Variants in ABL1 observed in about 807,000 individuals in gnomAD.
The protein encoded by ABL1 is tyrosine-protein kinase ABL1.
In ABL1, 11 loss-of-function variants were observed where a neutral mutation model predicts 94.7. The observed-to-expected ratio is 0.12, with a 90% CI of 0.07 to 0.19. The LOEUF (loss-of-function observed/expected upper bound fraction) is 0.19, where lower values mean the gene tolerates loss of function less well. Among genes scored for constraint, ABL1 ranks in the 10% least tolerant of loss-of-function variants. ABL1 has a pLI of 1.00. For missense variants in ABL1, 1,082 were observed against 1,489.4 expected, an observed-to-expected ratio of 0.73 and a Z score of 4.50; for synonymous variants, 656 against 622.4, an observed-to-expected ratio of 1.05 and a Z score of -0.80.
intron 1 of ABL1, among the ~76,000 whole-genome samples, chr9:130,782,026 C>T (rs1189656013): frequency 1.3e-5 from 2 of 151,954 alleles, no homozygotes; most frequent in Non-Finnish European, 2.9e-5. Context: ...AGTACTTTTC[C>T]TTATTGTGGA....
chr9:130,735,445 C>T (rs972165995), intron 1 of ABL1, among the ~76,000 whole-genome samples: 1 of 151,648 alleles, frequency 6.6e-6, no homozygotes, highest in Non-Finnish European at 1.5e-5. Flanking sequence ...CCTTTTCCTT[C>T]TCCTACTCCT....
intron 4 of ABL1, among the ~76,000 whole-genome samples, chr9:130,869,166 C>CA (rs11349952): frequency 2.6e-4 from 37 of 142,624 alleles, no homozygotes; most frequent in Admixed American, 6.3e-4. Flanking sequence ...GACTCCGTCT[C>CA]AAAAAAAAAA....
intron 1 of ABL1, among the ~76,000 whole-genome samples, chr9:130,762,400 T>G (rs774886949): frequency 2.2e-4 from 34 of 152,302 alleles, no homozygotes; most frequent in Admixed American, 5.2e-4. Context: ...TGTGCATGTG[T>G]GTGCACTTTT....
chr9:130,826,324 T>C lies in ABL1; in HGVS notation c.137-27740T>C, dbSNP rs185775793. On this transcript the variant is annotated intron_variant, in intron 1 of 10. Transcript: ENST00000372348. ...TTTGTAGAGATGGGGTTTCGCCATG[T>C]TGGCCAGGCTGGTCTCAAACTCTTG... 4.3e-3 allele frequency among the ~76,000 whole-genome samples: 659 copies of C among 152,136 alleles called. 2 individuals are homozygous for C. The highest frequency in any genetic ancestry group is 7.6e-3 in the Non-Finnish European group (518 of 67,982).
chr9:130,838,130 C>T (rs1830616394), intron 1 of ABL1, among the ~76,000 whole-genome samples: 1 of 152,128 alleles, frequency 6.6e-6, no homozygotes, highest in Non-Finnish European at 1.5e-5. Context: ...TGATTATTTC[C>T]ATTTTATAGA....
At chr9:130,805,284 T>A (rs1830109831) in intron 1 of ABL1, among the ~76,000 whole-genome samples, 1 of 152,212 alleles carries the variant, frequency 6.6e-6, no homozygotes, top group Admixed American at 6.5e-5. Flanking sequence ...TTCACAATAT[T>A]GGTCAGGCTG....
Position 130,880,682 on chromosome 9 carries a change from C to G in ABL1, c.1678+18C>G. Reference sequence around the variant, plus strand: ...AGAGAGCGGTAAGTCCCCCGCTTCCCCCAACCCCACTGCTCTTCCCTTCCC... The same window carrying G: ...AGAGAGCGGTAAGTCCCCCGCTTCCGCCAACCCCACTGCTCTTCCCTTCCC... On this transcript the variant is annotated intron_variant, in intron 10 of 10. Coordinates refer to ENST00000318560, the MANE Select transcript of ABL1 (RefSeq NM_005157.6). This position sits in a 1 kb window ranked among gnomAD's most constrained non-coding sequence, Gnocchi z 4.4. The G allele has an allele frequency of 6.2e-7, 1 of 1,611,380 alleles. No individual in the cohort carries two copies. The highest frequency in any genetic ancestry group is 8.5e-7 in the Non-Finnish European group (1 of 1,178,998).
At chr9:130,831,827 T>C (rs1323810921), upstream of ABL1, among the ~76,000 whole-genome samples, 1 of 152,144 alleles carries the variant, frequency 6.6e-6, no homozygotes, top group African/African-American at 2.4e-5. Flanking sequence ...CAGGCTGGTC[T>C]TTAACTCCTG....
chr9:130,799,501 A>G (rs1167706486), intron 1 of ABL1, among the ~76,000 whole-genome samples: 1 of 152,198 alleles, frequency 6.6e-6, no homozygotes, highest in Non-Finnish European at 1.5e-5. Context: ...AGGTTCTATC[A>G]TGTGTTAGCT....
In ABL1 at chr9:130,880,533, G is replaced by C. The variant is rs765425928; in HGVS notation, c.1547G>C (p.Arg516Pro). 6.2e-7 allele frequency: 1 copy of C among 1,613,934 alleles called. No homozygotes were observed. The highest frequency in any genetic ancestry group is 8.5e-7 in the Non-Finnish European group (1 of 1,179,930). ...AAGGAGCTGGGGAAACAAGGCGTCC[G>C]TGGGGCTGTGAGTACCTTGCTGCAG... ...VEKELGKQGVRGAVSTLLQAP... is the reference protein window; with the variant it reads ...VEKELGKQGVPGAVSTLLQAP... Residue 516 changes from arginine (R) to proline (P), a missense_variant, in exon 10 of 11, where the codon CGT (arginine) becomes CCT (proline). Physicochemically the swap from Arg to Pro is moderately radical, Grantham distance 103. Transcript: ENST00000318560. This position sits in a 1 kb window ranked among gnomAD's most constrained non-coding sequence, Gnocchi z 4.4.
At position 130,880,363 on chromosome 9, in the gene ABL1, C is replaced by T; in HGVS notation, c.1514-137C>T. The T allele has an allele frequency of 8.7e-7, 1 of 1,152,376 alleles. No individual in the cohort carries two copies. The highest frequency in any genetic ancestry group is 1.2e-6 in the Non-Finnish European group (1 of 809,308). 71.4% of individuals were successfully genotyped at this position (1,152,376 alleles called of 1,614,324 possible). ...CTAAGAAATGCTAAGGGCTGTTTCT[C>T]CGGTATCCACGTGCCTTTTCTTTAG... On this transcript the variant is annotated intron_variant, in intron 9 of 10. Transcript: ENST00000318560. This position sits in a 1 kb window ranked among gnomAD's most constrained non-coding sequence, Gnocchi z 4.4.
At chr9:130,797,660 C>T (rs1006873257) in intron 1 of ABL1, among the ~76,000 whole-genome samples, 2 of 152,212 alleles carry the variant, frequency 1.3e-5, no homozygotes, top group East Asian at 1.9e-4. Flanking sequence ...CAAGTCACCA[C>T]GCCTGGCTTC....
chr9:130,860,944 C>T (rs2132969361), intron 3 of ABL1, among the ~76,000 whole-genome samples: 1 of 152,272 alleles, frequency 6.6e-6, no homozygotes, highest in South Asian at 2.1e-4. Context: ...TGGACGTCAC[C>T]GTGTGGTTAT....
chr9:130,801,212 A>G (rs536645289), intron 1 of ABL1, among the ~76,000 whole-genome samples: 1 of 151,202 alleles, frequency 6.6e-6, no homozygotes, highest in South Asian at 2.1e-4. Context: ...TATAGGCCTG[A>G]GCCACAGTGC....
chr9:130,752,059 T>C (rs921324791), intron 1 of ABL1, among the ~76,000 whole-genome samples: 3 of 152,232 alleles, frequency 2.0e-5, no homozygotes, highest in African/African-American at 7.2e-5. Context: ...GGGTATAATG[T>C]AGGGATGCTT....
chr9:130,884,631 A>C lies in ABL1; in HGVS notation c.2341A>C (p.Thr781Pro). 2 of 1,613,326 alleles carry C rather than the reference A, an allele frequency of 1.2e-6. No individual in the cohort carries two copies. Among genetic ancestry groups the C allele is most frequent in the Non-Finnish European group, 1.7e-6 (2 of 1,180,002 alleles). ...TGACCAGGTGACCCGAGGCACAGTA[A>C]CGCCTCCCCCCAGGCTGGTGAAAAA... is the stretch of plus-strand genomic sequence containing the variant. The part of the protein sequence containing the change: ...RSDQVTRGTV[T>P]PPPRLVKKNE... The change falls in exon 11 of 11, where the codon ACG becomes CCG. Residue 781 changes from threonine (T) to proline (P), a missense_variant. This residue lies in a region of ABL1 where 780 missense variants were observed against 835.8 expected (regional missense o/e 0.93). Coordinates refer to ENST00000318560, the MANE Select transcript of ABL1 (RefSeq NM_005157.6). This position sits in a 1 kb window ranked among gnomAD's most constrained non-coding sequence, Gnocchi z 5.6.
chr9:130,771,814 C>T (rs1832257151), intron 1 of ABL1, among the ~76,000 whole-genome samples: 1 of 143,746 alleles, frequency 7.0e-6, no homozygotes, highest in Admixed American at 7.2e-5. Context: ...AGTGCAGTGG[C>T]AGAATCTTGG....
chr9:130,837,869 G>A (rs962089443), intron 1 of ABL1, among the ~76,000 whole-genome samples: 1 of 152,094 alleles, frequency 6.6e-6, no homozygotes, highest in Non-Finnish European at 1.5e-5. Flanking sequence ...GTTTATTGAC[G>A]CCCACTCAGG....
intron 1 of ABL1, among the ~76,000 whole-genome samples, chr9:130,841,867 A>AT (rs899530533): frequency 1.3e-5 from 2 of 150,120 alleles, no homozygotes; most frequent in African/African-American, 2.5e-5. Context: ...CACCATAAAT[A>AT]TTTTTGTTAT....
Sources: gnomAD v4.1 joint callset for allele counts (sites outside exome capture counted in the v4.1 genomes callset) on GRCh38, gnomAD v4.1.1 for gene constraint, gnomAD v4.1.1 regional missense constraint, Gnocchi (gnomAD v3.1) non-coding constraint, MANE v1.5 for transcripts, NCBI Gene and HGNC (gene_info 2026-07-23, HGNC 2026-07-21) for gene names.